Variants in HTD2 observed in about 807,000 individuals in gnomAD.
HTD2 encodes hydroxyacyl-thioester dehydratase type 2, mitochondrial.
Under a neutral mutation model 3.1 loss-of-function variants are expected in HTD2, and 1 was observed. The ratio of observed to expected loss-of-function variants is 0.32; its 90% CI spans 0.11 to 1.52. HTD2 has a LOEUF of 1.52. Among genes scored for constraint, HTD2 ranks in the 40% most tolerant of loss-of-function variants. The pLI, the probability that HTD2 is intolerant of heterozygous loss-of-function variation, is 0.39. For synonymous variants in HTD2, 50 were observed against 28.9 expected, an observed-to-expected ratio of 1.73 and a Z score of -2.34; for missense variants, 150 against 79.6, an observed-to-expected ratio of 1.88 and a Z score of -3.36.
rs924469080 is a variant in HTD2 at position 58,319,508 on chromosome 3, G to GT, written c.*1393dup. 53 of 152,088 alleles carry GT rather than the reference G, an allele frequency of 3.5e-4. No individual in the cohort carries two copies. Among genetic ancestry groups the GT allele is most frequent in the African/African-American group, 1.3e-3 (53 of 41,522 alleles). The allele number at this position is 152,088 out of a possible 1,614,324, so 9.4% of individuals were successfully genotyped here. A position where few individuals can be genotyped will look rare whatever the true frequency, so the allele number is the denominator to read the frequency against. On this transcript the variant is annotated 3_prime_UTR_variant, in exon 5 of 5. Coordinates refer to ENST00000461393, the MANE Select transcript of HTD2 (RefSeq NM_001348712.2). ...GCCCACAGTTAAACGTAACAGACCA[G>GT]TTTTTCAGGGTGTCAGCCAACCTCT...
chr3:58,313,211 A>G (rs917981666), intron 2 of HTD2, among the ~76,000 whole-genome samples: 4 of 152,138 alleles, frequency 2.6e-5, no homozygotes, highest in African/African-American at 9.7e-5. Flanking sequence ...GTGAGCCGAG[A>G]TCACGCCACT....
At chr3:58,311,781 A>G (rs1004606816) in intron 2 of HTD2, among the ~76,000 whole-genome samples, 1 of 151,442 alleles carries the variant, frequency 6.6e-6, no homozygotes, top group Non-Finnish European at 1.5e-5. Context: ...GCCCAGCTGC[A>G]CATGTCTTTT....
chr3:58,309,371 A>T (rs2097479537), intron 1 of HTD2, among the ~76,000 whole-genome samples: 1 of 152,196 alleles, frequency 6.6e-6, no homozygotes, highest in Non-Finnish European at 1.5e-5. Flanking sequence ...GGGAATAATA[A>T]TACCTCTTAC....
At position 58,309,818 on chromosome 3, in the gene HTD2, C is replaced by G. The variant is rs576163691; in HGVS notation, c.-415-689C>G. ...GAGGCAGGAGAATTGCTTGAATCCG[C>G]GAGGCAGAGGTTGCAGTGAGCCAAG... On this transcript the variant is annotated intron_variant, in intron 1 of 4. Coordinates refer to ENST00000461393, the MANE Select transcript of HTD2 (RefSeq NM_001348712.2). Among the ~76,000 whole-genome samples, 137 of 151,828 alleles carry G rather than the reference C, an allele frequency of 9.0e-4. 2 individuals are homozygous for G. The highest frequency in any genetic ancestry group is 7.9e-3 in the East Asian group (41 of 5,158).
In HTD2 at chr3:58,317,340, A is replaced by G. The variant is rs184418426; in HGVS notation, c.-174-100A>G. The G allele has an allele frequency of 2.5e-5, 19 of 768,168 alleles. No homozygotes were observed. The East Asian group carries it at 4.0e-4, about 16-fold the overall frequency. 47.6% of individuals were successfully genotyped at this position (768,168 alleles called of 1,614,324 possible). On this transcript the variant is annotated intron_variant, in intron 4 of 4. Transcript: ENST00000461393. Reference sequence around the variant, plus strand: ...AGGATGCTCTGTAAAATGCTCCTGCATCAGCTTTGTTTATCCTGTAAAACT... The same window carrying G: ...AGGATGCTCTGTAAAATGCTCCTGCGTCAGCTTTGTTTATCCTGTAAAACT...
At position 58,317,140 on chromosome 3, in the gene HTD2, C is replaced by T. The variant is rs2097489155; in HGVS notation, c.-175+147C>T. 3 of 648,806 alleles carry T rather than the reference C, an allele frequency of 4.6e-6. No homozygotes were observed. The South Asian group carries it at 6.3e-5, about 14-fold the overall frequency. 40.2% of individuals were successfully genotyped at this position (648,806 alleles called of 1,614,324 possible). A position where few individuals can be genotyped will look rare whatever the true frequency, so the allele number is the denominator to read the frequency against. On this transcript the variant is annotated intron_variant, in intron 4 of 4. Coordinates refer to ENST00000461393, the MANE Select transcript of HTD2 (RefSeq NM_001348712.2). ...GGAAAATAAAGGACTTGATTGTTTC[C>T]AAAAATGTGAGACAGAGCACTTAGA...
rs2097490602 is a variant in HTD2, at chr3:58,318,379, T to C, written c.*259T>C. The C allele has an allele frequency of 3.3e-6, 1 of 299,286 alleles. No individual in the cohort carries two copies. The highest frequency in any genetic ancestry group is 6.1e-6 in the Non-Finnish European group (1 of 162,712). The allele number at this position is 299,286 out of a possible 1,614,324, so 18.5% of individuals were successfully genotyped here. On this transcript the variant is annotated 3_prime_UTR_variant, in exon 5 of 5. Coordinates refer to ENST00000461393, the MANE Select transcript of HTD2 (RefSeq NM_001348712.2). ...TTGTTTTTTAATTCAAGAAGTAGGC[T>C]GGGCCCGGTGGCTCATGCCTGTAAT... is the stretch of plus-strand genomic sequence containing the variant.
At chr3:58,314,841 C>T (rs1197057479) in intron 2 of HTD2, among the ~76,000 whole-genome samples, 1 of 152,002 alleles carries the variant, frequency 6.6e-6, no homozygotes, top group Non-Finnish European at 1.5e-5. Context: ...CACACCACCA[C>T]ACCCAGCTAA....
Position 58,309,232 on chromosome 3 carries a change from T to A in HTD2, c.-415-1275T>A, listed in dbSNP as rs545084031. On this transcript the variant is annotated intron_variant, in intron 1 of 4. Transcript: ENST00000461393. ...TCTTAGATTTTACTCCTTTATGTCT[T>A]TTCTTTTTCTTTGGATAAAGAGGCA... is the stretch of plus-strand genomic sequence containing the variant. Among the ~76,000 whole-genome samples the A allele has an allele frequency of 5.3e-5, 8 of 152,336 alleles. 1 individual carries two copies. The South Asian group carries it at 1.4e-3, about 28-fold the overall frequency.
rs1351020437 is a variant in HTD2 at position 58,319,993 on chromosome 3, A to G, written c.*1873A>G. On this transcript the variant is annotated 3_prime_UTR_variant, in exon 5 of 5. Transcript: ENST00000461393. ...AGCAGTCAATCCATTTCTCTCCTCC[A>G]GTCTTTGGGAATCACCAGTCTACTT... The G allele has an allele frequency of 6.6e-6, 1 of 152,080 alleles. No individual in the cohort carries two copies. The highest frequency in any genetic ancestry group is 1.5e-5 in the Non-Finnish European group (1 of 68,026). 9.4% of individuals were successfully genotyped at this position (152,080 alleles called of 1,614,324 possible).
In HTD2 at chr3:58,317,104, A is replaced by G; in HGVS notation, c.-175+111A>G. 3.9e-6 allele frequency: 3 copies of G among 776,530 alleles called. No individual in the cohort carries two copies. In the South Asian group the frequency reaches 5.2e-5, roughly 14 times the overall value. The allele number at this position is 776,530 out of a possible 1,614,324, so 48.1% of individuals were successfully genotyped here. On this transcript the variant is annotated intron_variant, in intron 4 of 4. Transcript: ENST00000461393. The stretch of plus-strand genomic sequence containing the variant: ...GCATAAATGTAATATGGTTAAAATG[A>G]TCTAAGTAGGGGAAAATAAAGGACT...
At chr3:58,313,361 CCAG>C (rs2097484563) in intron 2 of HTD2, among the ~76,000 whole-genome samples, 1 of 152,094 alleles carries the variant, frequency 6.6e-6, no homozygotes, top group Non-Finnish European at 1.5e-5. Flanking sequence ...TTGTCATAGA[CCAG>C]CATTTTAAGC....
chr3:58,316,499 A>G lies in HTD2; in HGVS notation c.-330-16A>G, dbSNP rs1277786794. ...ATGGTGAGAATAGCCTGCTAATAGCATTATTCCATATGCAGGTTGATGCCG... is the reference window on the plus strand; with the variant it reads ...ATGGTGAGAATAGCCTGCTAATAGCGTTATTCCATATGCAGGTTGATGCCG... On this transcript the variant is annotated splice_polypyrimidine_tract_variant and intron_variant, in intron 2 of 4. Coordinates refer to ENST00000461393, the MANE Select transcript of HTD2 (RefSeq NM_001348712.2). 6.2e-7 allele frequency: 1 copy of G among 1,608,950 alleles called. No individual in the cohort carries two copies. The highest frequency in any genetic ancestry group is 8.5e-7 in the Non-Finnish European group (1 of 1,175,304).
chr3:58,317,182 A>C (rs2097489174), intron 4 of HTD2, among the ~76,000 whole-genome samples, 189 bp downstream of exon 4: 1 of 152,216 alleles, frequency 6.6e-6, no homozygotes, highest in African/African-American at 2.4e-5. Flanking sequence ...AATCTATGGG[A>C]GATGTTTTGG....
At chr3:58,316,119 C>A (rs567422777) in intron 2 of HTD2, among the ~76,000 whole-genome samples, 1 of 152,334 alleles carries the variant, frequency 6.6e-6, no homozygotes, top group South Asian at 2.1e-4. Context: ...AACAAACAGA[C>A]ATGGCCTCTG....
At chr3:58,315,105 A>G (rs1161881293) in intron 2 of HTD2, among the ~76,000 whole-genome samples, 1 of 152,168 alleles carries the variant, frequency 6.6e-6, no homozygotes, top group Non-Finnish European at 1.5e-5. Flanking sequence ...ATGAATATTC[A>G]TAGCAGCTTT....
chr3:58,312,498 A>G (rs1023728589), intron 2 of HTD2, among the ~76,000 whole-genome samples: 8 of 152,058 alleles, frequency 5.3e-5, no homozygotes, highest in Non-Finnish European at 1.2e-4. Flanking sequence ...AGAAGTGATG[A>G]ATTTTGTTGG....
chr3:58,312,317 A>C (rs912111577), intron 2 of HTD2, among the ~76,000 whole-genome samples: 2 of 136,776 alleles, frequency 1.5e-5, no homozygotes, highest in South Asian at 2.6e-4. Flanking sequence ...GCTGGAGTGC[A>C]GTGGCACAAC....
At chr3:58,310,112 A>T in intron 1 of HTD2, 1 of 550,488 alleles carries the variant, frequency 1.8e-6, no homozygotes, top group Non-Finnish European at 3.2e-6. Flanking sequence ...AGGCAGGAGG[A>T]TCACCTGAGC....
Sources: allele counts gnomAD v4.1 joint callset (sites outside exome capture counted in the v4.1 genomes callset), GRCh38; gene constraint gnomAD v4.1.1; transcripts MANE v1.5; gene names NCBI Gene and HGNC (gene_info 2026-07-23, HGNC 2026-07-21).